The following ALK variants were observed in gnomAD, a reference collection of about 807,000 sequenced individuals.
ALK encodes ALK tyrosine kinase receptor.
ALK carries 74 observed loss-of-function variants against 163.1 expected under a neutral mutation model. The ratio of observed to expected loss-of-function variants is 0.45; its 90% CI spans 0.38 to 0.55. The LOEUF (loss-of-function observed/expected upper bound fraction) is 0.55. Ranked by LOEUF, ALK falls within the 20% of genes least tolerant of loss-of-function variation. The pLI is 0.00. For missense variants in ALK, 2,063 were observed against 2,105.3 expected (o/e 0.98, Z 0.39); for synonymous variants, 960 against 843.2 (o/e 1.14, Z -2.40).
At chr2:29,275,066 T>A (rs1421470479) in intron 11 of ALK, 33 bp downstream of exon 11, 1 of 1,613,664 alleles carries the variant, frequency 6.2e-7, no homozygotes, top group African/African-American at 1.3e-5. Context: ...AACAAGAAGT[T>A]ACTGTGCTCA....
intron 1 of ALK, among the ~76,000 whole-genome samples, chr2:29,780,319 C>A (rs566596472): frequency 2.6e-5 from 4 of 152,278 alleles, no homozygotes; most frequent in African/African-American, 9.6e-5. Flanking sequence ...TCTAAGGGAG[C>A]CCATTTCCGG....
chr2:29,774,881 G>A (rs1349183518), intron 1 of ALK, among the ~76,000 whole-genome samples: 5 of 152,142 alleles, frequency 3.3e-5, no homozygotes, highest in African/African-American at 7.2e-5. Context: ...AAACTTCACC[G>A]AAGAGTTACC....
At chr2:29,292,842 C>T (rs982574143) in intron 9 of ALK, among the ~76,000 whole-genome samples, 1 of 152,182 alleles carries the variant, frequency 6.6e-6, no homozygotes, top group Non-Finnish European at 1.5e-5. Flanking sequence ...TTCCATGGAT[C>T]AATGCCTCCC....
chr2:29,380,016 T>C (rs1668856434), intron 5 of ALK, among the ~76,000 whole-genome samples: 1 of 151,986 alleles, frequency 6.6e-6, no homozygotes, highest in Admixed American at 6.6e-5. Flanking sequence ...CTTAGGAAAC[T>C]TGCAATCATG....
At chr2:29,847,163 C>T (rs1375011830) in intron 1 of ALK, among the ~76,000 whole-genome samples, 1 of 152,168 alleles carries the variant, frequency 6.6e-6, no homozygotes, top group African/African-American at 2.4e-5. Flanking sequence ...TCCTCCCTTC[C>T]CTCCACGATA....
chr2:29,525,614 AC>A (rs1672937197), intron 4 of ALK, among the ~76,000 whole-genome samples: 1 of 151,830 alleles, frequency 6.6e-6, no homozygotes, highest in African/African-American at 2.4e-5. Flanking sequence ...AGATGGTAAA[AC>A]CCTGTCTCTA....
chr2:29,251,933 C>T (rs905939598), intron 11 of ALK, among the ~76,000 whole-genome samples: 2 of 152,228 alleles, frequency 1.3e-5, no homozygotes, highest in African/African-American at 2.4e-5. Flanking sequence ...AGACCTGCAG[C>T]AAGGCAGGGC....
At chr2:29,594,833 C>G (rs1675162068) in intron 3 of ALK, among the ~76,000 whole-genome samples, 1 of 130,356 alleles carries the variant, frequency 7.7e-6, no homozygotes, top group Non-Finnish European at 1.5e-5. Flanking sequence ...GTTCTCTTCT[C>G]TTTCTCACTT....
chr2:29,684,212 T>C (rs576413073), intron 3 of ALK, among the ~76,000 whole-genome samples: 22 of 152,248 alleles, frequency 1.4e-4, no homozygotes, highest in African/African-American at 4.8e-4. Flanking sequence ...TATATAGAAA[T>C]CAGTGAGGCT....
rs148137243 is a variant in ALK, at chr2:29,650,400, T to A, written c.952+44450A>T. ...AAATGGGATTAAAAAACTAAACATA[T>A]TTCACAATATCACATCAAGAAACTT... On this transcript the variant is annotated intron_variant, in intron 3 of 28. Coordinates refer to ENST00000389048, the MANE Select transcript of ALK (RefSeq NM_004304.5). Among the ~76,000 whole-genome samples, 8 of 152,260 alleles carry A rather than the reference T, an allele frequency of 5.3e-5. No homozygotes were observed. In the East Asian group the frequency reaches 1.5e-3, roughly 29 times the overall value.
intron 1 of ALK, among the ~76,000 whole-genome samples, chr2:29,721,643 G>A (rs1679425448): frequency 6.6e-6 from 1 of 152,184 alleles, no homozygotes; most frequent in African/African-American, 2.4e-5. Flanking sequence ...TGTTGTAAAG[G>A]ATAACAGTTT....
At chr2:29,357,334 C>A (rs1320061886) in intron 5 of ALK, among the ~76,000 whole-genome samples, 1 of 152,144 alleles carries the variant, frequency 6.6e-6, no homozygotes, top group Non-Finnish European at 1.5e-5. Context: ...TCTGGAATAC[C>A]CTGCACATCT....
At chr2:29,846,643 A>C (rs2148398032) in intron 1 of ALK, among the ~76,000 whole-genome samples, 1 of 152,308 alleles carries the variant, frequency 6.6e-6, no homozygotes, top group East Asian at 1.9e-4. Flanking sequence ...CCGGGCATTG[A>C]AAGATTTTTC....
At chr2:29,832,920 A>C (rs1273326072) in intron 1 of ALK, among the ~76,000 whole-genome samples, 1 of 152,362 alleles carries the variant, frequency 6.6e-6, no homozygotes, top group East Asian at 1.9e-4. Context: ...AGAAGGCGGC[A>C]GTTGAGCTGG....
At chr2:29,685,666 T>A (rs1223733006) in intron 3 of ALK, among the ~76,000 whole-genome samples, 2 of 152,214 alleles carry the variant, frequency 1.3e-5, no homozygotes, top group Non-Finnish European at 2.9e-5. Context: ...AGCATGTCAA[T>A]TTTCCTGCCG....
chr2:29,419,431 G>C (rs891612630), intron 4 of ALK, among the ~76,000 whole-genome samples: 1 of 151,434 alleles, frequency 6.6e-6, no homozygotes, highest in Non-Finnish European at 1.5e-5. Flanking sequence ...TCATGACCTT[G>C]CAGCATGACT....
chr2:29,801,078 G>T (rs1664456814), intron 1 of ALK, among the ~76,000 whole-genome samples: 2 of 152,056 alleles, frequency 1.3e-5, no homozygotes, highest in Admixed American at 6.6e-5. Flanking sequence ...ACCTACAGAT[G>T]GCAAGAGAGA....
intron 23 of ALK, among the ~76,000 whole-genome samples, chr2:29,216,570 G>C (rs991289949): frequency 4.6e-5 from 7 of 151,560 alleles, no homozygotes; most frequent in African/African-American, 1.7e-4. Flanking sequence ...GCACAGGGCA[G>C]ACAGTCAGCA....
chr2:29,785,842 C>G (rs535522811), intron 1 of ALK, among the ~76,000 whole-genome samples: 2 of 151,988 alleles, frequency 1.3e-5, no homozygotes, highest in African/African-American at 4.8e-5. Context: ...CTTTCATTCC[C>G]TTGGTATCAG....
Sources: gnomAD v4.1 joint callset for allele counts (sites outside exome capture counted in the v4.1 genomes callset) on GRCh38, gnomAD v4.1.1 for gene constraint, MANE v1.5 for transcripts, NCBI Gene and HGNC (gene_info 2026-07-23, HGNC 2026-07-21) for gene names.